The following TRPA1 variants were observed in gnomAD, a reference collection of about 807,000 sequenced individuals.
The protein encoded by TRPA1 is transient receptor potential cation channel subfamily A member 1.
In TRPA1, 129 loss-of-function variants were observed where a neutral mutation model predicts 131.3. That is an observed-to-expected ratio of 0.98 (90% CI 0.85 to 1.14). The LOEUF (loss-of-function observed/expected upper bound fraction) is 1.14. Ranked by LOEUF, TRPA1 falls within the 50% of genes most tolerant of loss-of-function variation. TRPA1 has a pLI of 0.00. For missense variants in TRPA1, 1,304 were observed against 1,354.2 expected, an observed-to-expected ratio of 0.96 and a Z score of 0.58; for synonymous variants, 441 against 451.7, an observed-to-expected ratio of 0.98 and a Z score of 0.30.
At chr8:72,026,134 G>T in intron 24 of TRPA1, 61 bp from the exon 25 acceptor site, 1 of 1,244,588 alleles carries the variant, frequency 8.0e-7, no homozygotes, top group Middle Eastern at 2.0e-4. Flanking sequence ...TTTTTATATG[G>T]CACAGAGGCA....
chr8:72,040,801 G>C (rs1812226856), intron 17 of TRPA1, among the ~76,000 whole-genome samples: 1 of 151,756 alleles, frequency 6.6e-6, no homozygotes, highest in Non-Finnish European at 1.5e-5. Flanking sequence ...AAAGACACAG[G>C]GAAAAAGAGA....
chr8:72,048,972 C>T (rs535514236), intron 15 of TRPA1, among the ~76,000 whole-genome samples: 11 of 152,208 alleles, frequency 7.2e-5, no homozygotes, highest in African/African-American at 2.6e-4. Context: ...TTCATCAAGA[C>T]AGATTTCAAC....
At chr8:72,088,201 C>A in the TRPA1 span, among the ~76,000 whole-genome samples, 1 of 152,228 alleles carries the variant, frequency 6.6e-6, no homozygotes, top group Non-Finnish European at 1.5e-5. Flanking sequence ...CTCTTCCCAT[C>A]ACAGCATTCT....
At chr8:72,087,689 T>A in the TRPA1 span, among the ~76,000 whole-genome samples, 1 of 151,718 alleles carries the variant, frequency 6.6e-6, no homozygotes, top group African/African-American at 2.4e-5. Context: ...AAGTCTCCAA[T>A]TGAGTCTTTG....
the TRPA1 span, among the ~76,000 whole-genome samples, chr8:72,089,483 T>C: frequency 6.6e-6 from 1 of 152,100 alleles, no homozygotes; most frequent in African/African-American, 2.4e-5. Context: ...CTGAGCTACT[T>C]TATTATATAA....
chr8:72,022,463 C>A lies in TRPA1; in HGVS notation c.*443G>T. On this transcript the variant is annotated 3_prime_UTR_variant, in exon 27 of 27. Coordinates refer to ENST00000262209, the MANE Select transcript of TRPA1 (RefSeq NM_007332.3). Reference sequence around the variant, plus strand: ...GAAGCAGCTTAGGTTAGGTAGACCTCAACCTAATATTTAAGACTATCATCT... The same window carrying A: ...GAAGCAGCTTAGGTTAGGTAGACCTAAACCTAATATTTAAGACTATCATCT... 3.4e-6 allele frequency: 1 copy of A among 298,498 alleles called. No individual in the cohort carries two copies. The highest frequency in any genetic ancestry group is 3.2e-5 in the South Asian group (1 of 31,702). The allele number at this position is 298,498 out of a possible 1,614,324, so 18.5% of individuals were successfully genotyped here.
chr8:72,069,158 A>G lies in TRPA1; in HGVS notation c.309T>C (p.His103=), dbSNP rs765485244. 1.9e-6 allele frequency: 3 copies of G among 1,614,216 alleles called. No homozygotes were observed. The highest frequency in any genetic ancestry group is 2.5e-6 in the Non-Finnish European group (3 of 1,180,032). ...CAATTTGGTTTTTTTCTACAGCACA[A>G]TGCAGAGGGGTATTTCCATAATCAT... ...EMDDYGNTPL[H]CAVEKNQIES... Residue 103 remains histidine, a synonymous_variant, in exon 3 of 27, where the codon CAT becomes CAC. Transcript: ENST00000262209.
In TRPA1 at chr8:72,023,143, T is replaced by A. The variant is rs745929807; in HGVS notation, c.3150-27A>T. ...TAAAAGGACATACACATTTCATGAA[T>A]TTATTTTCAGTTCTTCTTTTAGCCC... On this transcript the variant is annotated intron_variant, in intron 26 of 26. Coordinates refer to ENST00000262209, the MANE Select transcript of TRPA1 (RefSeq NM_007332.3). 8 of 1,603,248 alleles carry A rather than the reference T, an allele frequency of 5.0e-6. No homozygotes were observed. The African/African-American group carries it at 9.4e-5, about 19-fold the overall frequency.
chr8:72,023,000 T>A lies in TRPA1; in HGVS notation c.3266A>T (p.Asp1089Val). The change falls in exon 27 of 27, where the codon GAC becomes GTC. Residue 1089 changes from aspartate to valine, a missense_variant. Physicochemically the swap from Asp to Val is radical, Grantham distance 152. Coordinates refer to ENST00000262209, the MANE Select transcript of TRPA1 (RefSeq NM_007332.3). ...TTCCATCTGCTCTTTCTTAAACCTG[T>A]CTTGAAAAGAACAATGGCTATCATC... ...EDDDSHCSFQ[D>V]RFKKEQMEQR... 1 of 1,613,882 alleles carries A rather than the reference T, an allele frequency of 6.2e-7. No individual in the cohort carries two copies. The highest frequency in any genetic ancestry group is 1.1e-5 in the South Asian group (1 of 91,076).
chr8:72,054,072 T>C lies in TRPA1; in HGVS notation c.1530-205A>G. 4 of 577,970 alleles carry C rather than the reference T, an allele frequency of 6.9e-6. No homozygotes were observed. In the South Asian group the frequency reaches 8.1e-5, roughly 12 times the overall value. 35.8% of individuals were successfully genotyped at this position (577,970 alleles called of 1,614,324 possible). A position where few individuals can be genotyped will look rare whatever the true frequency, so the allele number is the denominator to read the frequency against. Reference sequence around the variant, plus strand: ...AATGACCTATTTCTAATGTGATTCATACACGTTTTTTACTTAGTGGTTTAA... The same window carrying C: ...AATGACCTATTTCTAATGTGATTCACACACGTTTTTTACTTAGTGGTTTAA... On this transcript the variant is annotated intron_variant, in intron 12 of 26. Transcript: ENST00000262209.
intron 1 of TRPA1, among the ~76,000 whole-genome samples, chr8:72,072,529 A>T (rs765848648): frequency 1.1e-4 from 17 of 152,234 alleles, no homozygotes; most frequent in Non-Finnish European, 2.9e-5. Context: ...ATTAAATTCC[A>T]TATAAGCTAC....
rs757025360 is a variant in TRPA1 at position 72,046,608 on chromosome 8, T to G, written c.1966A>C (p.Ile656Leu). 1 of 1,535,150 alleles carries G rather than the reference T, an allele frequency of 6.5e-7. No homozygotes were observed. Among genetic ancestry groups the G allele is most frequent in the South Asian group, 1.1e-5 (1 of 87,352 alleles). Residue 656 changes from isoleucine to leucine, a missense_variant and splice_region_variant, in exon 17 of 27, where the codon ATC becomes CTC. By Grantham distance (5) the Ile-to-Leu change is conservative (BLOSUM62 2). Transcript: ENST00000262209. ...TEDKSCRDYY[I>L]EYNFKYLQCP... is the part of the protein sequence containing the mutation. ...TGAAGATATTTGAAATTATACTCGA[T>G]CTGTAGAAGACAGAATTTTTTTTAA...
Position 72,057,034 on chromosome 8 carries a change from T to C in TRPA1, c.1094-17A>G, listed in dbSNP as rs553555636. ...CTTGGGCACCTAAAAAAAAACACTATGTAAATATAAATTCTATTCATTTAT... is the reference window on the plus strand; with the variant it reads ...CTTGGGCACCTAAAAAAAAACACTACGTAAATATAAATTCTATTCATTTAT... On this transcript the variant is annotated splice_polypyrimidine_tract_variant and intron_variant, in intron 9 of 26. Transcript: ENST00000262209. 4.3e-5 allele frequency: 66 copies of C among 1,543,390 alleles called. 1 individual carries two copies. In the South Asian group the frequency reaches 5.9e-4, roughly 14 times the overall value.
At position 72,075,344 on chromosome 8, in the gene TRPA1, A is replaced by G. The variant is rs377402338; in HGVS notation, c.66T>C (p.Tyr22=). ...CCTCCGTGTCGTCCGGCACATCCTC[A>G]TAGACAACGCCCTGGGGCTCCTTCT... ...GEKKEPQGVV[Y]EDVPDDTEDF... is the part of the protein sequence containing the mutation. The change falls in exon 1 of 27, where the codon TAT becomes TAC. Residue 22 remains tyrosine (Y), a synonymous_variant. Transcript: ENST00000262209. 6.2e-7 allele frequency: 1 copy of G among 1,613,050 alleles called. No homozygotes were observed. Among genetic ancestry groups the G allele is most frequent in the Non-Finnish European group, 8.5e-7 (1 of 1,179,842 alleles).
the TRPA1 span, among the ~76,000 whole-genome samples, chr8:72,081,951 C>T: frequency 6.6e-6 from 1 of 151,842 alleles, no homozygotes; most frequent in Non-Finnish European, 1.5e-5. Context: ...CTTTTAATTA[C>T]AATATTTACT....
intron 10 of TRPA1, 144 bp from the exon 11 acceptor site, chr8:72,055,999 T>C: frequency 1.4e-6 from 1 of 713,180 alleles, no homozygotes; most frequent in Non-Finnish European, 2.5e-6. Flanking sequence ...CTAAAGGATT[T>C]GAGAGTAATA....
In TRPA1 at chr8:72,049,682, G is replaced by T. The variant is rs79067710; in HGVS notation, c.1905+1096C>A. 3.6e-3 allele frequency among the ~76,000 whole-genome samples: 548 copies of T among 152,144 alleles called. 8 individuals carry two copies. The highest frequency in any genetic ancestry group is 0.012 in the African/African-American group (511 of 41,476). ...AGTGTGTATTTAACGTAGCAAAAGGGGTCACATGTTTAAGAACCCACAGAA... is the reference window on the plus strand; with the variant it reads ...AGTGTGTATTTAACGTAGCAAAAGGTGTCACATGTTTAAGAACCCACAGAA... On this transcript the variant is annotated intron_variant, in intron 15 of 26. Coordinates refer to ENST00000262209, the MANE Select transcript of TRPA1 (RefSeq NM_007332.3).
rs749785009 is a variant in TRPA1, at chr8:72,036,514, G to T, written c.2386-57C>A. 2.2e-4 allele frequency: 321 copies of T among 1,487,592 alleles called. 1 individual carries two copies. Among genetic ancestry groups the T allele is most frequent in the Non-Finnish European group, 2.5e-4 (269 of 1,072,408 alleles). 92.1% of individuals were successfully genotyped at this position (1,487,592 alleles called of 1,614,324 possible). A position where few individuals can be genotyped will look rare whatever the true frequency, so the allele number is the denominator to read the frequency against. ...TATAGAGACCTAGCATCTATGGATG[G>T]TTATATACATGCACCCCGTAATACA... On this transcript the variant is annotated intron_variant, in intron 20 of 26. Transcript: ENST00000262209.
At chr8:72,048,925 G>T (rs1419204488) in intron 15 of TRPA1, among the ~76,000 whole-genome samples, 4 of 152,166 alleles carry the variant, frequency 2.6e-5, no homozygotes, top group South Asian at 2.1e-4. Flanking sequence ...AAATAATGTT[G>T]CAGGAAACAT....
Sources: allele counts gnomAD v4.1 joint callset (sites outside exome capture counted in the v4.1 genomes callset), GRCh38; gene constraint gnomAD v4.1.1; transcripts MANE v1.5; gene names NCBI Gene and HGNC (gene_info 2026-07-23, HGNC 2026-07-21).